ARMC9: variants seen among roughly 807,000 people sequenced by gnomAD.
ARMC9 encodes lisH domain-containing protein ARMC9.
In ARMC9, 94 loss-of-function variants were observed where a neutral mutation model predicts 107.0. The ratio of observed to expected loss-of-function variants is 0.88; its 90% CI spans 0.74 to 1.04. The LOEUF is 1.04. ARMC9 is among the 50% of genes least tolerant of loss of function. The pLI is 0.00. For missense variants in ARMC9, 942 were observed against 1,030.1 expected (o/e 0.91, Z 1.17); for synonymous variants, 380 against 396.9 (o/e 0.96, Z 0.51).
chr2:231,331,171 C>T (rs1222047556), intron 19 of ARMC9, among the ~76,000 whole-genome samples: 3 of 152,146 alleles, frequency 2.0e-5, no homozygotes, highest in Admixed American at 6.6e-5. Flanking sequence ...AGGGAAGTCA[C>T]CAGCTGTCAT....
chr2:231,345,248 G>A lies in ARMC9; in HGVS notation c.1994+158G>A, dbSNP rs942498785. The A allele has an allele frequency of 5.2e-6, 7 of 1,354,824 alleles. No homozygotes were observed. In the Admixed American group the frequency reaches 2.0e-4, roughly 38 times the overall value. The allele number at this position is 1,354,824 out of a possible 1,614,324, so 83.9% of individuals were successfully genotyped here. A position where few individuals can be genotyped will look rare whatever the true frequency, so the allele number is the denominator to read the frequency against. ...GGATTTTTGGAGGGAAAGAGGTTGA[G>A]TCCTTCTCCCTTCCCCCAGGATTTT... On this transcript the variant is annotated intron_variant, in intron 21 of 24. Coordinates refer to ENST00000611582, the MANE Select transcript of ARMC9 (RefSeq NM_001352754.2).
intron 19 of ARMC9, among the ~76,000 whole-genome samples, chr2:231,322,747 G>A (rs1170378030): frequency 3.3e-5 from 5 of 152,100 alleles, no homozygotes; most frequent in Non-Finnish European, 7.4e-5. Context: ...AGTTATCACT[G>A]AGCTCTAACA....
chr2:231,332,009 T>A, intron 20 of ARMC9, 112 bp downstream of exon 20: 1 of 883,266 alleles, frequency 1.1e-6, no homozygotes, highest in Non-Finnish European at 1.8e-6. Context: ...TACCATACTG[T>A]ATTTATGAGA....
At chr2:231,268,608 G>A (rs377258767) in intron 12 of ARMC9, among the ~76,000 whole-genome samples, 10 of 152,026 alleles carry the variant, frequency 6.6e-5, no homozygotes, top group African/African-American at 2.4e-4. Context: ...AGTTAATAAC[G>A]TCTAGAGAAA....
chr2:231,221,385 C>T (rs1365923743), intron 5 of ARMC9, among the ~76,000 whole-genome samples: 1 of 152,204 alleles, frequency 6.6e-6, no homozygotes, highest in Non-Finnish European at 1.5e-5. Flanking sequence ...TCTGCAACGA[C>T]CCCATTCCCA....
chr2:231,369,181 G>T (rs1473683634), intron 23 of ARMC9, among the ~76,000 whole-genome samples: 1 of 152,252 alleles, frequency 6.6e-6, no homozygotes, highest in Non-Finnish European at 1.5e-5. Context: ...CTGGAGAGCG[G>T]TGGGGCTGGA....
rs983152609 is a variant in ARMC9, at chr2:231,320,748, G to A, written c.1774-11045G>A. On this transcript the variant is annotated intron_variant, in intron 19 of 24. Transcript: ENST00000611582. ...GCATCTTATTGGCAGGTGAGCTGATGGTCACAGCTCACTGAGGTATTGGAT... is the reference window on the plus strand; with the variant it reads ...GCATCTTATTGGCAGGTGAGCTGATAGTCACAGCTCACTGAGGTATTGGAT... 4.6e-5 allele frequency among the ~76,000 whole-genome samples: 7 copies of A among 152,116 alleles called. No homozygotes were observed. In the East Asian group the frequency reaches 1.3e-3, roughly 29 times the overall value.
At chr2:231,337,953 G>T (rs79736999) in intron 20 of ARMC9, among the ~76,000 whole-genome samples, 18 of 152,126 alleles carry the variant, frequency 1.2e-4, no homozygotes, top group African/African-American at 4.1e-4. Context: ...TTCCTTATCA[G>T]TTAGGATTGG....
intron 19 of ARMC9, among the ~76,000 whole-genome samples, chr2:231,317,612 A>T (rs1165615260): frequency 6.6e-6 from 1 of 151,992 alleles, no homozygotes; most frequent in African/African-American, 2.4e-5. Flanking sequence ...TCTCCTCCTG[A>T]AAATCCAGTT....
chr2:231,213,164 C>CT (rs72180870), intron 3 of ARMC9, among the ~76,000 whole-genome samples: 25,986 of 137,532 alleles, frequency 0.19, 3,278 homozygotes, highest in East Asian at 0.53. Flanking sequence ...AACGTTTTTT[C>CT]TTTTTTTTTT....
intron 21 of ARMC9, among the ~76,000 whole-genome samples, chr2:231,354,376 ATTTTT>A (rs67988812): frequency 1.5e-5 from 1 of 66,644 alleles, no homozygotes. Context: ...AGCCATGTGA[ATTTTT>A]TTTTTTTTTT....
intron 17 of ARMC9, among the ~76,000 whole-genome samples, chr2:231,286,882 CT>C (rs2040629313): frequency 6.6e-6 from 1 of 152,168 alleles, no homozygotes; most frequent in Non-Finnish European, 1.5e-5. Context: ...AATGAATCCC[CT>C]GAGGCCCATT....
In ARMC9 at chr2:231,374,073, C is replaced by G. The variant is rs974822111; in HGVS notation, c.*2538C>G. The stretch of plus-strand genomic sequence containing the variant: ...AATATACTTTGTAAAATACCAACAA[C>G]TTATTCACAAATATTCCAACTATCT... On this transcript the variant is annotated 3_prime_UTR_variant, in exon 25 of 25. Transcript: ENST00000611582. The G allele has an allele frequency of 6.6e-6, 1 of 152,198 alleles. No individual in the cohort carries two copies. Among genetic ancestry groups the G allele is most frequent in the African/African-American group, 2.4e-5 (1 of 41,438 alleles). The allele number at this position is 152,198 out of a possible 1,614,324, so 9.4% of individuals were successfully genotyped here.
chr2:231,329,811 T>C (rs2043598134), intron 19 of ARMC9, among the ~76,000 whole-genome samples: 1 of 152,216 alleles, frequency 6.6e-6, no homozygotes, highest in Non-Finnish European at 1.5e-5. Flanking sequence ...ATTCATTACT[T>C]CTAGGAGGGT....
chr2:231,357,614 C>T (rs1315789946), intron 22 of ARMC9, among the ~76,000 whole-genome samples: 1 of 152,180 alleles, frequency 6.6e-6, no homozygotes. Context: ...AGGTCTCACT[C>T]TGTCCCCCAG....
intron 12 of ARMC9, among the ~76,000 whole-genome samples, chr2:231,264,379 G>T (rs1261681907): frequency 6.6e-6 from 1 of 151,540 alleles, no homozygotes; most frequent in East Asian, 1.9e-4. Context: ...GGATTTCACT[G>T]TGTTGGCCAG....
chr2:231,219,875 C>A (rs1392851310), intron 5 of ARMC9, among the ~76,000 whole-genome samples: 1 of 151,942 alleles, frequency 6.6e-6, no homozygotes, highest in East Asian at 1.9e-4. Flanking sequence ...CTCACTCTAT[C>A]CCCCAGGCTG....
In ARMC9 at chr2:231,230,615, A is replaced by G. The variant is rs75177126; in HGVS notation, c.622+3817A>G. On this transcript the variant is annotated intron_variant, in intron 7 of 24. Transcript: ENST00000611582. ...AGTATACAGTTGTCCCTCAGTATCT[A>G]CAAGGATTGCTTCCAGGACCCCCAC... 3.4e-3 allele frequency among the ~76,000 whole-genome samples: 512 copies of G among 152,286 alleles called. 6 individuals are homozygous for G. Among genetic ancestry groups the G allele is most frequent in the African/African-American group, 0.012 (491 of 41,568 alleles).
At chr2:231,220,842 T>C (rs951068532) in intron 5 of ARMC9, among the ~76,000 whole-genome samples, 2 of 152,234 alleles carry the variant, frequency 1.3e-5, no homozygotes, top group African/African-American at 4.8e-5. Context: ...AGTAATTACA[T>C]TGAAAACACA....
Sources: gnomAD v4.1 joint callset for allele counts (sites outside exome capture counted in the v4.1 genomes callset) on GRCh38, gnomAD v4.1.1 for gene constraint, MANE v1.5 for transcripts, NCBI Gene and HGNC (gene_info 2026-07-23, HGNC 2026-07-21) for gene names.